Variants in SPG7 observed in about 807,000 individuals in gnomAD.
SPG7 encodes SPG7 matrix AAA peptidase subunit, paraplegin.
SPG7 carries 103 observed loss-of-function variants against 81.9 expected under a neutral mutation model. The ratio of observed to expected loss-of-function variants is 1.26; its 90% confidence interval spans 1.07 to 1.48. The LOEUF (loss-of-function observed/expected upper bound fraction) is 1.48. Ranked by LOEUF, SPG7 falls within the 40% of genes most tolerant of loss-of-function variation. The probability of loss-of-function intolerance (pLI) is 0.00; values close to 1 mark genes in which losing one functional copy is unlikely to be tolerated. For missense variants in SPG7, 1,241 were observed against 1,087.3 expected, an observed-to-expected ratio of 1.14 and a Z score of -1.99; for synonymous variants, 534 against 444.2, an observed-to-expected ratio of 1.20 and a Z score of -2.54.
intron 16 of SPG7, chr16:89,555,704 GTC>G (rs1323767274): frequency 1.0e-5 from 4 of 397,084 alleles, no homozygotes; most frequent in Non-Finnish European, 1.8e-5. Flanking sequence ...AGTTGCGATT[GTC>G]TGATGTGTTT....
At position 89,532,020 on chromosome 16, in the gene SPG7, G is replaced by T. The variant is rs2058350300; in HGVS notation, c.1104G>T (p.Val368=). 6.2e-7 allele frequency: 1 copy of T among 1,613,682 alleles called. No individual in the cohort carries two copies. Among genetic ancestry groups the T allele is most frequent in the East Asian group, 2.2e-5 (1 of 44,884 alleles). Residue 368 remains valine (V), a synonymous_variant, in exon 8 of 17, where the codon GTG becomes GTT. Coordinates refer to ENST00000645818, the MANE Select transcript of SPG7 (RefSeq NM_003119.4). ...LAKAVATEAQ[V]PFLAMAGPEF... ...AGGCGGTGGCCACGGAGGCTCAGGT[G>T]CCCTTCCTGGCGATGGCCGGCCCAG... is the stretch of plus-strand genomic sequence containing the variant.
chr16:89,508,664 G>A, intron 1 of SPG7, 64 bp downstream of exon 1: 1 of 1,411,920 alleles, frequency 7.1e-7, no homozygotes, highest in Non-Finnish European at 9.2e-7. Context: ...GCCCAGCCCG[G>A]CGGGGCGGGT....
intron 5 of SPG7, chr16:89,529,107 C>G (rs767039542): frequency 5.8e-6 from 2 of 344,672 alleles, no homozygotes; most frequent in East Asian, 7.5e-5. Context: ...CCACCGCGCC[C>G]GGCCTGAGAT....
At chr16:89,544,962 C>T in intron 10 of SPG7, 190 bp downstream of exon 10, 3 of 674,316 alleles carry the variant, frequency 4.4e-6, no homozygotes, top group Non-Finnish European at 7.9e-6. Flanking sequence ...GCTGCACTCA[C>T]TGCTGTGGCC....
intron 3 of SPG7, chr16:89,523,724 A>G: frequency 1.8e-6 from 1 of 549,012 alleles, no homozygotes. Flanking sequence ...CGTTGTGCCC[A>G]GGTCTAAGTG....
At chr16:89,529,302 G>A (rs765311851) in intron 5 of SPG7, 175 bp from the exon 6 acceptor site, 30 of 650,858 alleles carry the variant, frequency 4.6e-5, no homozygotes, top group Non-Finnish European at 6.4e-5. Context: ...CACAGTCAGC[G>A]AGAATGAGAC....
intron 9 of SPG7, chr16:89,544,255 T>C (rs1470952277): frequency 3.3e-6 from 1 of 301,796 alleles, no homozygotes; most frequent in Non-Finnish European, 6.4e-6. Context: ...TGTTTCCAAG[T>C]CACAGCCTAA....
At chr16:89,525,577 C>G (rs886663126) in intron 4 of SPG7, among the ~76,000 whole-genome samples, 5 of 152,174 alleles carry the variant, frequency 3.3e-5, no homozygotes, top group African/African-American at 1.2e-4. Context: ...GAGAGTCCCG[C>G]AAGTCCGTCT....
chr16:89,513,486 A>G (rs2058049733), intron 3 of SPG7, among the ~76,000 whole-genome samples: 1 of 152,106 alleles, frequency 6.6e-6, no homozygotes, highest in African/African-American at 2.4e-5. Context: ...ATTGCACTCC[A>G]GCCTGAGCAA....
At chr16:89,509,894 T>C (rs892430951) in intron 1 of SPG7, among the ~76,000 whole-genome samples, 2 of 144,042 alleles carry the variant, frequency 1.4e-5, no homozygotes, top group Non-Finnish European at 3.0e-5. Flanking sequence ...GCCCAAGCAA[T>C]CCTCCCACCT....
At chr16:89,550,269 T>C in intron 12 of SPG7, 1 of 496,848 alleles carries the variant, frequency 2.0e-6, no homozygotes. Context: ...GTCTCTCAGG[T>C]TCAAGTGATT....
At chr16:89,534,639 A>G (rs1033083751) in intron 9 of SPG7, among the ~76,000 whole-genome samples, 1 of 151,854 alleles carries the variant, frequency 6.6e-6, no homozygotes, top group East Asian at 2.0e-4. Context: ...TGCACAGCCC[A>G]GTTTTGACTA....
chr16:89,529,455 C>T (rs747443967), intron 5 of SPG7, 22 bp from the exon 6 acceptor site: 11 of 1,548,208 alleles, frequency 7.1e-6, no homozygotes, highest in Middle Eastern at 1.8e-4. Context: ...GAGCCTGTGC[C>T]TGCCTCTCTT....
chr16:89,552,242 G>A (rs1349304276), intron 13 of SPG7: 3 of 152,498 alleles, frequency 2.0e-5, no homozygotes, highest in Admixed American at 1.3e-4. Context: ...TATATTTTTT[G>A]TAGCGAAGGG....
intron 16 of SPG7, 153 bp downstream of exon 16, chr16:89,554,716 AC>A (rs1567935137): frequency 3.0e-6 from 2 of 658,096 alleles, no homozygotes; most frequent in South Asian, 1.6e-5. Context: ...ACTGAAACTT[AC>A]GTGTTCCATA....
rs566577846 is a variant in SPG7 at position 89,548,170 on chromosome 16, A to G, written c.1663+57A>G. On this transcript the variant is annotated intron_variant, in intron 12 of 16. Coordinates refer to ENST00000645818, the MANE Select transcript of SPG7 (RefSeq NM_003119.4). ...CCTTAGCAGGGCTTGAACCCCAGAA[A>G]TACCCAGGCAGGTATTGAGAGGTGA... The G allele has an allele frequency of 1.3e-4, 153 of 1,220,188 alleles. No homozygotes were observed. In the African/African-American group the frequency reaches 1.8e-3, roughly 14 times the overall value. The allele number at this position is 1,220,188 out of a possible 1,614,324, so 75.6% of individuals were successfully genotyped here.
At chr16:89,546,069 A>T in intron 10 of SPG7, 1 of 284,668 alleles carries the variant, frequency 3.5e-6, no homozygotes, top group South Asian at 2.7e-5. Context: ...ATCCCCACCC[A>T]CCTCTCCTTC....
At chr16:89,552,591 G>A (rs1260747707) in intron 13 of SPG7, 4 of 319,596 alleles carry the variant, frequency 1.3e-5, no homozygotes, top group African/African-American at 6.5e-5. Flanking sequence ...AGCCTCTGCT[G>A]CCTCAGCATC....
rs1279790045 is a variant in SPG7 at position 89,536,550 on chromosome 16, G to T, written c.1324+3914G>T. 1.6e-3 allele frequency among the ~76,000 whole-genome samples: 229 copies of T among 147,422 alleles called. 16 individuals are homozygous for T. Among genetic ancestry groups the T allele is most frequent in the African/African-American group, 5.2e-3 (207 of 39,760 alleles). ...GAGGCGGGTGAGGTCAGGTGAGGCA[G>T]GTGAGGTGAGGCGGGTGAGGTCAGG... is the stretch of plus-strand genomic sequence containing the variant. On this transcript the variant is annotated intron_variant, in intron 9 of 16. Transcript: ENST00000645818.
Sources: gnomAD v4.1 joint callset for allele counts (sites outside exome capture counted in the v4.1 genomes callset) on GRCh38, gnomAD v4.1.1 for gene constraint, MANE v1.5 for transcripts, NCBI Gene and HGNC (gene_info 2026-07-23, HGNC 2026-07-21) for gene names.